ADAMTSL1: variants seen among roughly 807,000 people sequenced by gnomAD.
ADAMTSL1 encodes the protein ADAMTS-like protein 1.
A neutral mutation model predicts 201.8 loss-of-function variants in ADAMTSL1; 126 were observed. The ratio of observed to expected loss-of-function variants is 0.62; its 90% CI spans 0.54 to 0.72. ADAMTSL1 has a LOEUF of 0.72. Ranked by LOEUF, ADAMTSL1 falls within the 30% of genes least tolerant of loss-of-function variation. The pLI is 0.00. For missense variants in ADAMTSL1, 2,679 were observed against 2,277.8 expected, an observed-to-expected ratio of 1.18 and a Z score of -3.59; for synonymous variants, 1,121 against 903.4, an observed-to-expected ratio of 1.24 and a Z score of -4.32.
intron 5 of ADAMTSL1, among the ~76,000 whole-genome samples, chr9:18,634,886 A>G (rs1011193903): frequency 7.2e-6 from 1 of 139,668 alleles, no homozygotes; most frequent in Non-Finnish European, 1.5e-5. Flanking sequence ...TATATATATA[A>G]ATATGTATGT....
At chr9:18,478,312 G>T (rs756203328) in intron 1 of ADAMTSL1, among the ~76,000 whole-genome samples, 21 of 152,078 alleles carry the variant, frequency 1.4e-4, no homozygotes, top group African/African-American at 2.7e-4. Context: ...ACATGGTCTG[G>T]TGTTTTGGTT....
In ADAMTSL1 at chr9:18,908,498, C is replaced by T. The variant is rs1479664109; in HGVS notation, c.5239C>T (p.Gln1747Ter). 8.9e-6 allele frequency: 14 copies of T among 1,564,278 alleles called. No homozygotes were observed. The East Asian group carries it at 9.6e-5, about 11-fold the overall frequency. ...GAAGGTGAAACAGCTGAAACTCTGC[C>T]AACTCAGCCAGTTTAAATCTCGCTG... Reference protein sequence around the residue: ...CEKVKQLKLCQLSQFKSRCCG... With the variant: ...CEKVKQLKLC Residue 1747 changes from glutamine (Q) to a stop codon, truncating the protein, a stop_gained, in exon 29 of 29, where the codon CAA becomes TAA. Transcript: ENST00000380548. LOFTEE classifies it high-confidence loss of function.
chr9:18,578,046 G>A (rs745881445), intron 4 of ADAMTSL1, among the ~76,000 whole-genome samples: 9 of 149,448 alleles, frequency 6.0e-5, no homozygotes, highest in South Asian at 2.1e-4. Flanking sequence ...ACAGCCCAGC[G>A]TTTGAAAGCA....
At chr9:18,524,924 A>C (rs1004967626) in intron 2 of ADAMTSL1, among the ~76,000 whole-genome samples, 6 of 152,210 alleles carry the variant, frequency 3.9e-5, no homozygotes, top group Admixed American at 6.5e-5. Context: ...TGTCTGTGCC[A>C]GGCTTTGGTA....
At chr9:18,170,779 G>A (rs913908283) in intron 2 of ADAMTSL1, among the ~76,000 whole-genome samples, 4 of 152,100 alleles carry the variant, frequency 2.6e-5, no homozygotes, top group African/African-American at 9.7e-5. Flanking sequence ...GCCCTGGAGA[G>A]AATGGATGTG....
At chr9:17,968,064 C>T (rs1818048980) in intron 1 of ADAMTSL1, among the ~76,000 whole-genome samples, 1 of 152,064 alleles carries the variant, frequency 6.6e-6, no homozygotes, top group South Asian at 2.1e-4. Context: ...TCTAATGTAG[C>T]TTTAGTTGTT....
intron 2 of ADAMTSL1, among the ~76,000 whole-genome samples, chr9:18,410,590 G>T (rs982930566): frequency 6.6e-6 from 1 of 152,118 alleles, no homozygotes; most frequent in African/African-American, 2.4e-5. Context: ...ATTACATGGT[G>T]CATATATACC....
At chr9:17,923,887 T>C (rs1473352243) in intron 1 of ADAMTSL1, among the ~76,000 whole-genome samples, 1 of 112,212 alleles carries the variant, frequency 8.9e-6, no homozygotes, top group South Asian at 3.8e-4. Flanking sequence ...GATAATCATG[T>C]GGTTTTTGTC....
chr9:18,899,578 G>A (rs569625995), intron 26 of ADAMTSL1, among the ~76,000 whole-genome samples: 2 of 152,262 alleles, frequency 1.3e-5, no homozygotes, highest in South Asian at 2.1e-4. Flanking sequence ...GAGGGTACCG[G>A]TATAAGAACA....
intron 19 of ADAMTSL1, among the ~76,000 whole-genome samples, chr9:18,793,686 A>C (rs1185360438): frequency 1.3e-5 from 2 of 152,214 alleles, no homozygotes; most frequent in African/African-American, 4.8e-5. Context: ...AGGATCCCCA[A>C]AACTGGCTAC....
At chr9:17,961,758 G>C (rs765333291) in intron 1 of ADAMTSL1, among the ~76,000 whole-genome samples, 4 of 152,142 alleles carry the variant, frequency 2.6e-5, no homozygotes, top group Non-Finnish European at 4.4e-5. Flanking sequence ...CTCTCTATTT[G>C]CCTGTGGCCC....
At chr9:18,834,325 A>T (rs1405494472) in intron 23 of ADAMTSL1, among the ~76,000 whole-genome samples, 1 of 152,098 alleles carries the variant, frequency 6.6e-6, no homozygotes, top group East Asian at 1.9e-4. Context: ...ATGAGCATGG[A>T]ATGTTTTTCT....
chr9:18,667,644 T>G (rs1317982316), intron 9 of ADAMTSL1, among the ~76,000 whole-genome samples: 2 of 152,148 alleles, frequency 1.3e-5, no homozygotes, highest in Non-Finnish European at 2.9e-5. Flanking sequence ...TGACTCATGA[T>G]AAGCGCTCAA....
chr9:18,712,383 C>A (rs1832671846), intron 14 of ADAMTSL1, among the ~76,000 whole-genome samples: 2 of 151,684 alleles, frequency 1.3e-5, no homozygotes, highest in Non-Finnish European at 2.9e-5. Flanking sequence ...ACTAGAATAA[C>A]CAATACAGAG....
chr9:17,943,222 G>A (rs1241509547), intron 1 of ADAMTSL1, among the ~76,000 whole-genome samples: 2 of 152,118 alleles, frequency 1.3e-5, no homozygotes, highest in African/African-American at 4.8e-5. Flanking sequence ...GATTACAGGT[G>A]TGAGCCACTG....
intron 1 of ADAMTSL1, among the ~76,000 whole-genome samples, chr9:18,107,571 G>C (rs1316257798): frequency 1.3e-5 from 2 of 152,100 alleles, no homozygotes; most frequent in Non-Finnish European, 2.9e-5. Context: ...TTATAGCCAT[G>C]CTCTGGGACT....
rs1043321876 is a variant in ADAMTSL1, at chr9:18,815,410, C to T, written c.3806-1699C>T. Among the ~76,000 whole-genome samples, 6 of 151,042 alleles carry T rather than the reference C, an allele frequency of 4.0e-5. 1 individual carries two copies. Among genetic ancestry groups the T allele is most frequent in the African/African-American group, 1.2e-4 (5 of 41,138 alleles). ...AAAAAAGAAAAAGAATGAGGACAGG[C>T]GTGGTGGCTCATGCCTGTAATCCCA... On this transcript the variant is annotated intron_variant, in intron 20 of 28. Transcript: ENST00000380548.
chr9:18,212,744 G>A lies in ADAMTSL1; in HGVS notation c.207+48763G>A, dbSNP rs1489152008. On this transcript the variant is annotated intron_variant, in intron 2 of 29. Transcript: ENST00000680146. ...AGTTTGAGTTGTCTTCCATTCAAAG[G>A]GAAGACAACTTCTAGCTCTAGGGTG... Among the ~76,000 whole-genome samples, 9 of 152,038 alleles carry A rather than the reference G, an allele frequency of 5.9e-5. No individual in the cohort carries two copies. The South Asian group carries it at 1.7e-3, about 28-fold the overall frequency.
chr9:18,304,009 C>T (rs1833807024), intron 2 of ADAMTSL1, among the ~76,000 whole-genome samples: 1 of 152,184 alleles, frequency 6.6e-6, no homozygotes, highest in African/African-American at 2.4e-5. Context: ...CACTGCTCTG[C>T]ACCAATAAAA....
Sources: allele counts gnomAD v4.1 joint callset (sites outside exome capture counted in the v4.1 genomes callset), GRCh38; gene constraint gnomAD v4.1.1; transcripts MANE v1.5; gene names NCBI Gene and HGNC (gene_info 2026-07-23, HGNC 2026-07-21).